The following MSRA variants were observed in gnomAD, a reference collection of about 807,000 sequenced individuals.
MSRA encodes the protein mitochondrial peptide methionine sulfoxide reductase.
In MSRA, 54 loss-of-function variants were observed where a neutral mutation model predicts 31.3. The observed-to-expected ratio is 1.73, with a 90% confidence interval of 1.39 to 2.17. MSRA has a LOEUF of 2.17. MSRA is among the 30% of genes most tolerant of loss of function. The probability of loss-of-function intolerance (pLI) is 0.00; values close to 1 mark genes in which losing one functional copy is unlikely to be tolerated. For missense variants in MSRA, 507 were observed against 300.9 expected (o/e 1.69, Z -5.07); for synonymous variants, 169 against 116.5 (o/e 1.45, Z -2.90).
intron 2 of MSRA, among the ~76,000 whole-genome samples, chr8:10,218,265 C>T (rs990290465): frequency 8.6e-5 from 13 of 151,974 alleles, no homozygotes; most frequent in Non-Finnish European, 1.6e-4. Context: ...TTTTCCTCAG[C>T]CTCCTGAGTA....
chr8:10,211,093 C>T lies in MSRA; in HGVS notation c.211+3192C>T, dbSNP rs555249105. The stretch of plus-strand genomic sequence containing the variant: ...ATATACCTTACCTTTAGAATGCTAC[C>T]GAAATAAGAACTTTGAAATGTAATC... On this transcript the variant is annotated intron_variant, in intron 2 of 5. Transcript: ENST00000317173. 7.9e-5 allele frequency among the ~76,000 whole-genome samples: 12 copies of T among 152,076 alleles called. No homozygotes were observed. In the South Asian group the frequency reaches 8.3e-4, roughly 11 times the overall value.
chr8:10,064,931 G>A (rs1034522456), intron 1 of MSRA, among the ~76,000 whole-genome samples: 1 of 152,240 alleles, frequency 6.6e-6, no homozygotes, highest in East Asian at 1.9e-4. Context: ...GAGACCTGAA[G>A]TAAAAAATTT....
At chr8:10,404,670 C>G (rs1452388481) in intron 5 of MSRA, among the ~76,000 whole-genome samples, 3 of 152,236 alleles carry the variant, frequency 2.0e-5, no homozygotes, top group Non-Finnish European at 2.9e-5. Flanking sequence ...CTCGCACACA[C>G]TGATGTGTAC....
chr8:10,279,906 C>T (rs914183650), intron 3 of MSRA, among the ~76,000 whole-genome samples: 2 of 152,152 alleles, frequency 1.3e-5, no homozygotes, highest in Non-Finnish European at 2.9e-5. Context: ...TTAAATGTGG[C>T]AAATCTGTTT....
chr8:10,353,798 GTA>G (rs1445533848), intron 5 of MSRA: 1 of 319,412 alleles, frequency 3.1e-6, no homozygotes, highest in Non-Finnish European at 6.3e-6. Flanking sequence ...ACACAAGACA[GTA>G]ATAAACATAG....
intron 5 of MSRA, among the ~76,000 whole-genome samples, chr8:10,362,603 A>G (rs59601304): frequency 1.7e-3 from 257 of 151,928 alleles, no homozygotes; most frequent in African/African-American, 5.6e-3. Flanking sequence ...TTTCTCTCCA[A>G]GCAGTCCCCC....
intron 1 of MSRA, among the ~76,000 whole-genome samples, chr8:10,112,426 A>G (rs570314319): frequency 1.2e-3 from 185 of 152,374 alleles, no homozygotes; most frequent in Middle Eastern, 3.4e-3. Flanking sequence ...TAACATTCTT[A>G]CTAAAGTCAC....
intron 1 of MSRA, among the ~76,000 whole-genome samples, chr8:10,124,257 A>T (rs1801334868): frequency 6.6e-6 from 1 of 152,198 alleles, no homozygotes; most frequent in Non-Finnish European, 1.5e-5. Context: ...ATTGATAAAT[A>T]TGGTGACAGC....
intron 2 of MSRA, among the ~76,000 whole-genome samples, chr8:10,222,277 A>G (rs1016420281): frequency 6.6e-6 from 1 of 152,160 alleles, no homozygotes; most frequent in Admixed American, 6.5e-5. Context: ...CCATATTTTC[A>G]TAGTTTTGTA....
At chr8:10,337,711 G>A in intron 5 of MSRA, 1 of 702,574 alleles carries the variant, frequency 1.4e-6, no homozygotes. Flanking sequence ...CTCGGCAGCT[G>A]GTGCTTCCCT....
At chr8:10,216,013 G>C (rs1030024682) in intron 2 of MSRA, among the ~76,000 whole-genome samples, 2 of 152,130 alleles carry the variant, frequency 1.3e-5, no homozygotes, top group Admixed American at 6.5e-5. Context: ...CATAGGTATA[G>C]AGAACAACTA....
At chr8:10,115,812 AG>A (rs1411239671) in intron 1 of MSRA, among the ~76,000 whole-genome samples, 1 of 152,234 alleles carries the variant, frequency 6.6e-6, no homozygotes, top group African/African-American at 2.4e-5. Flanking sequence ...GAGTTAGAAG[AG>A]GACACAGTCC....
chr8:10,164,730 C>G (rs1804967422), intron 1 of MSRA, among the ~76,000 whole-genome samples: 1 of 152,108 alleles, frequency 6.6e-6, no homozygotes, highest in African/African-American at 2.4e-5. Flanking sequence ...ACCCTCAACC[C>G]TGGGCTGCAC....
At chr8:10,151,948 G>A (rs1286593515) in intron 1 of MSRA, among the ~76,000 whole-genome samples, 2 of 152,176 alleles carry the variant, frequency 1.3e-5, no homozygotes, top group Non-Finnish European at 2.9e-5. Flanking sequence ...CTCACCACCT[G>A]ACCCTTATTT....
intron 1 of MSRA, among the ~76,000 whole-genome samples, chr8:10,177,647 T>C (rs1000440822): frequency 2.0e-5 from 3 of 152,232 alleles, no homozygotes; most frequent in South Asian, 4.1e-4. Flanking sequence ...ATGTATACCA[T>C]TAAGGAAATT....
At chr8:10,424,835 A>C (rs1809037283) in intron 5 of MSRA, among the ~76,000 whole-genome samples, 1 of 152,208 alleles carries the variant, frequency 6.6e-6, no homozygotes, top group South Asian at 2.1e-4. Context: ...CCAAGCCTGC[A>C]GGGCCCTGGA....
At chr8:10,098,381 C>T (rs550789800) in intron 1 of MSRA, among the ~76,000 whole-genome samples, 1 of 152,116 alleles carries the variant, frequency 6.6e-6, no homozygotes, top group Non-Finnish European at 1.5e-5. Flanking sequence ...CATACAAGCA[C>T]ATTATTCTAC....
At chr8:10,380,661 A>G (rs1007253443) in intron 5 of MSRA, among the ~76,000 whole-genome samples, 12 of 152,240 alleles carry the variant, frequency 7.9e-5, no homozygotes, top group African/African-American at 2.9e-4. Context: ...GGAAACCAGT[A>G]GTATGCTTGG....
chr8:10,128,450 A>G (rs1384558138), intron 1 of MSRA, among the ~76,000 whole-genome samples: 1 of 152,172 alleles, frequency 6.6e-6, no homozygotes, highest in African/African-American at 2.4e-5. Context: ...TCAGGATCAT[A>G]TACATTGCTG....
Sources: gnomAD v4.1 joint callset for allele counts (sites outside exome capture counted in the v4.1 genomes callset) on GRCh38, gnomAD v4.1.1 for gene constraint, MANE v1.5 for transcripts, NCBI Gene and HGNC (gene_info 2026-07-23, HGNC 2026-07-21) for gene names.